The following ARFGEF3 variants were observed in gnomAD, a reference collection of about 807,000 sequenced individuals.
ARFGEF3 encodes the protein brefeldin A-inhibited guanine nucleotide-exchange protein 3.
A neutral mutation model predicts 221.7 loss-of-function variants in ARFGEF3; 96 were observed. That is an observed-to-expected ratio of 0.43 (90% CI 0.37 to 0.51). The LOEUF is 0.51. Among genes scored for constraint, ARFGEF3 ranks in the 20% least tolerant of loss-of-function variants. ARFGEF3 has a pLI of 0.00. For synonymous variants in ARFGEF3, 1,145 were observed against 1,126.8 expected, an observed-to-expected ratio of 1.02 and a Z score of -0.32; for missense variants, 2,410 against 2,789.9, an observed-to-expected ratio of 0.86 and a Z score of 3.07.
chr6:138,225,336 C>T (rs1485430964), intron 4 of ARFGEF3, among the ~76,000 whole-genome samples: 2 of 152,228 alleles, frequency 1.3e-5, no homozygotes, highest in Non-Finnish European at 1.5e-5. Flanking sequence ...TGCTTTCACA[C>T]TTCCATGCCT....
chr6:138,317,977 T>C (rs1379072853), intron 27 of ARFGEF3, among the ~76,000 whole-genome samples: 1 of 152,216 alleles, frequency 6.6e-6, no homozygotes, highest in Non-Finnish European at 1.5e-5. Flanking sequence ...AGTATATACA[T>C]TTATACATGC....
At chr6:138,165,845 A>G (rs1225156880) in intron 1 of ARFGEF3, among the ~76,000 whole-genome samples, 1 of 152,208 alleles carries the variant, frequency 6.6e-6, no homozygotes, top group African/African-American at 2.4e-5. Context: ...CCATATTTAG[A>G]CCATATCAAG....
At chr6:138,321,533 G>T (rs920468795) in intron 29 of ARFGEF3, among the ~76,000 whole-genome samples, 1 of 152,172 alleles carries the variant, frequency 6.6e-6, no homozygotes, top group African/African-American at 2.4e-5. Flanking sequence ...TGTACAATGA[G>T]ATATCATCTC....
At chr6:138,200,136 T>C (rs1406648249) in intron 2 of ARFGEF3, among the ~76,000 whole-genome samples, 1 of 152,228 alleles carries the variant, frequency 6.6e-6, no homozygotes, top group African/African-American at 2.4e-5. Context: ...GAGATGATCA[T>C]GTGATTTTTG....
intron 2 of ARFGEF3, among the ~76,000 whole-genome samples, chr6:138,189,430 T>C (rs912217915): frequency 6.6e-6 from 1 of 152,214 alleles, no homozygotes. Context: ...TAACAACTGT[T>C]AAAATCTAAA....
intron 12 of ARFGEF3, among the ~76,000 whole-genome samples, chr6:138,268,374 A>G (rs1042515743): frequency 6.6e-6 from 1 of 152,192 alleles, no homozygotes; most frequent in African/African-American, 2.4e-5. Context: ...ATAAACGTCC[A>G]TCAAGCCTTC....
At chr6:138,217,944 C>A in intron 4 of ARFGEF3, 2 of 1,544,220 alleles carry the variant, frequency 1.3e-6, no homozygotes, top group East Asian at 2.3e-5. Flanking sequence ...GCCTTTTCAA[C>A]CATTTTTATT....
chr6:138,240,042 C>A (rs1778364605), intron 6 of ARFGEF3, among the ~76,000 whole-genome samples: 2 of 151,888 alleles, frequency 1.3e-5, no homozygotes, highest in Non-Finnish European at 2.9e-5. Flanking sequence ...GATTTTTTTT[C>A]TTTTCTGTTT....
intron 17 of ARFGEF3, 38 bp downstream of exon 17, chr6:138,287,222 G>T: frequency 6.8e-6 from 10 of 1,464,344 alleles, no homozygotes; most frequent in Non-Finnish European, 9.4e-6. Context: ...TGGTGCCTTG[G>T]GTGCAGTATG....
In ARFGEF3 at chr6:138,334,213, G is replaced by C. The variant is rs1171443349; in HGVS notation, c.5367G>C (p.Gly1789=). 6.2e-7 allele frequency: 1 copy of C among 1,613,748 alleles called. No individual in the cohort carries two copies. The highest frequency in any genetic ancestry group is 8.5e-7 in the Non-Finnish European group (1 of 1,179,880). Residue 1789 remains glycine, a synonymous_variant, in exon 33 of 34, where the codon GGG becomes GGC. Transcript: ENST00000251691. The surrounding 1 kb of genome is among the most constrained non-coding windows in gnomAD (Gnocchi z 5.1). The stretch of plus-strand genomic sequence containing the variant: ...CCAGGGAGTTTGACACCAGCCCCGG[G>C]CTGAAGTGCCTGCTGAAGAAAGTGT... The part of the protein sequence containing the change: ...RTAREFDTSP[G]LKCLLKKVSG...
At position 138,245,513 on chromosome 6, in the gene ARFGEF3, G is replaced by C. The variant is rs1210541955; in HGVS notation, c.587G>C (p.Gly196Ala). The change falls in exon 8 of 34, where the codon GGG (glycine) becomes GCG (alanine). Residue 196 changes from glycine to alanine, a missense_variant and splice_region_variant. This residue lies in a region of ARFGEF3 where 570 missense variants were observed against 586.9 expected (regional missense o/e 0.97). Transcript: ENST00000251691. ...GCCTGTAACCTCCTCTGTTTTGAAGGGTCAACAGTAGAGTCCCTCTGTGAT... is the reference window on the plus strand; with the variant it reads ...GCCTGTAACCTCCTCTGTTTTGAAGCGTCAACAGTAGAGTCCCTCTGTGAT... ...PDVPQDFGNQ[G>A]STVESLCDDV... is the part of the protein sequence containing the mutation. 3 of 1,609,122 alleles carry C rather than the reference G, an allele frequency of 1.9e-6. No homozygotes were observed. The highest frequency in any genetic ancestry group is 2.5e-6 in the Non-Finnish European group (3 of 1,177,502).
At chr6:138,332,111 T>TA (rs768683863) in intron 32 of ARFGEF3, among the ~76,000 whole-genome samples, 1 of 152,088 alleles carries the variant, frequency 6.6e-6, no homozygotes, top group Non-Finnish European at 1.5e-5. Context: ...GGGAAGGTAA[T>TA]AAAAAACAGT....
rs189098819 is a variant in ARFGEF3 at position 138,315,159 on chromosome 6, A to G, written c.4345+1220A>G. On this transcript the variant is annotated intron_variant, in intron 26 of 33. Coordinates refer to ENST00000251691, the MANE Select transcript of ARFGEF3 (RefSeq NM_020340.5). ...ACTTCTTACAGGACTATTTGGTTAG[A>G]GACTGGGGAAATTAAGCCATTACTA... 2.0e-5 allele frequency among the ~76,000 whole-genome samples: 3 copies of G among 152,364 alleles called. No homozygotes were observed. The East Asian group carries it at 5.8e-4, about 29-fold the overall frequency.
At chr6:138,299,992 C>T (rs1779600752) in intron 22 of ARFGEF3, among the ~76,000 whole-genome samples, 1 of 151,888 alleles carries the variant, frequency 6.6e-6, no homozygotes, top group African/African-American at 2.4e-5. Flanking sequence ...CTCATGTCAA[C>T]TCAGGCTACA....
At chr6:138,232,697 A>G (rs753073263) in intron 5 of ARFGEF3, among the ~76,000 whole-genome samples, 2 of 152,076 alleles carry the variant, frequency 1.3e-5, no homozygotes, top group African/African-American at 2.4e-5. Flanking sequence ...TATTCCTTCC[A>G]TCCAGCCAGC....
intron 2 of ARFGEF3, among the ~76,000 whole-genome samples, chr6:138,203,900 C>A (rs961029831): frequency 3.9e-5 from 6 of 152,096 alleles, no homozygotes; most frequent in Middle Eastern, 3.4e-3. Context: ...CTTGGACTCC[C>A]AAAATGCTGG....
chr6:138,237,999 A>G (rs935767874), intron 5 of ARFGEF3, among the ~76,000 whole-genome samples: 2 of 152,230 alleles, frequency 1.3e-5, no homozygotes, highest in African/African-American at 2.4e-5. Flanking sequence ...GCCATAAGCC[A>G]TGCTACCTAG....
chr6:138,188,487 C>T (rs985619635), intron 2 of ARFGEF3, among the ~76,000 whole-genome samples: 36 of 152,112 alleles, frequency 2.4e-4, no homozygotes, highest in Non-Finnish European at 3.4e-4. Flanking sequence ...AAAAAAAATA[C>T]TGGGCATATT....
intron 31 of ARFGEF3, among the ~76,000 whole-genome samples, chr6:138,324,880 G>A (rs760816870): frequency 1.3e-5 from 2 of 152,338 alleles, no homozygotes; most frequent in Admixed American, 6.5e-5. Flanking sequence ...GCAGTCTGCC[G>A]CTAGGAAACC....
Sources: gnomAD v4.1 joint callset for allele counts (sites outside exome capture counted in the v4.1 genomes callset) on GRCh38, gnomAD v4.1.1 for gene constraint, gnomAD v4.1.1 regional missense constraint, Gnocchi (gnomAD v3.1) non-coding constraint, MANE v1.5 for transcripts, NCBI Gene and HGNC (gene_info 2026-07-23, HGNC 2026-07-21) for gene names.